SLC35F1: variants seen among roughly 807,000 people sequenced by gnomAD.
SLC35F1 encodes chromosome 6 open reading frame 169.
SLC35F1 carries 14 observed loss-of-function variants against 48.7 expected under a neutral mutation model. That is an observed-to-expected ratio of 0.29 (90% CI 0.19 to 0.45). The LOEUF is 0.45. SLC35F1 is among the 20% of genes least tolerant of loss of function. The pLI, the probability that SLC35F1 is intolerant of heterozygous loss-of-function variation, is 1.00. For synonymous variants in SLC35F1, 190 were observed against 202.2 expected, an observed-to-expected ratio of 0.94 and a Z score of 0.51; for missense variants, 404 against 500.0, an observed-to-expected ratio of 0.81 and a Z score of 1.83.
chr6:118,007,012 AATTT>A (rs1777182414), intron 1 of SLC35F1, among the ~76,000 whole-genome samples: 1 of 146,866 alleles, frequency 6.8e-6, no homozygotes, highest in South Asian at 2.2e-4. Flanking sequence ...AGTGTTTATT[AATTT>A]GACAACACAT....
At chr6:117,932,835 T>A (rs1776119316) in intron 1 of SLC35F1, among the ~76,000 whole-genome samples, 2 of 152,142 alleles carry the variant, frequency 1.3e-5, no homozygotes, top group African/African-American at 4.8e-5. Flanking sequence ...GCACACATAT[T>A]TGAGTGGGAT....
chr6:118,080,775 T>C (rs763488116), intron 1 of SLC35F1, among the ~76,000 whole-genome samples: 1 of 152,170 alleles, frequency 6.6e-6, no homozygotes, highest in African/African-American at 2.4e-5. Context: ...ATCATCTCCT[T>C]GCAGGGAAAC....
chr6:118,064,331 A>G (rs1485856549), intron 1 of SLC35F1, among the ~76,000 whole-genome samples: 1 of 152,186 alleles, frequency 6.6e-6, no homozygotes, highest in Non-Finnish European at 1.5e-5. Context: ...TGATAGTCTT[A>G]GTTCTTTTGC....
chr6:117,978,327 T>C (rs1582596806), intron 1 of SLC35F1, among the ~76,000 whole-genome samples: 1 of 150,916 alleles, frequency 6.6e-6, no homozygotes, highest in South Asian at 2.1e-4. Context: ...AGAAAATAAA[T>C]CTTACCAGAT....
intron 4 of SLC35F1, among the ~76,000 whole-genome samples, chr6:118,273,823 C>T (rs893659841): frequency 6.6e-6 from 1 of 152,180 alleles, no homozygotes; most frequent in Non-Finnish European, 1.5e-5. Flanking sequence ...TCACAAAATC[C>T]CATTCTCAGC....
chr6:118,068,524 T>C (rs373496111), intron 1 of SLC35F1, among the ~76,000 whole-genome samples: 1 of 152,338 alleles, frequency 6.6e-6, no homozygotes, highest in East Asian at 1.9e-4. Context: ...TTTAATCCTT[T>C]TGTAAAACTT....
intron 2 of SLC35F1, among the ~76,000 whole-genome samples, chr6:118,160,568 A>G (rs898816884): frequency 1.3e-5 from 2 of 152,224 alleles, no homozygotes; most frequent in Non-Finnish European, 2.9e-5. Context: ...TTTACTCTTC[A>G]TGAGAAATAC....
chr6:118,237,770 C>T (rs1156987265), intron 3 of SLC35F1, among the ~76,000 whole-genome samples: 3 of 152,076 alleles, frequency 2.0e-5, no homozygotes, highest in Non-Finnish European at 2.9e-5. Context: ...ATGGAAAAAC[C>T]TTTTAGATAC....
intron 1 of SLC35F1, among the ~76,000 whole-genome samples, chr6:117,979,323 AC>A (rs1338814369): frequency 1.3e-5 from 2 of 152,158 alleles, no homozygotes; most frequent in African/African-American, 2.4e-5. Context: ...ACCCTCCGTT[AC>A]CCCATTGGAA....
intron 1 of SLC35F1, among the ~76,000 whole-genome samples, chr6:117,940,640 CCTTT>C (rs1046789577): frequency 1.3e-5 from 2 of 151,614 alleles, no homozygotes; most frequent in Non-Finnish European, 2.9e-5. Context: ...TTTTTTTTCT[CCTTT>C]CTTTTTTTTT....
At position 117,936,549 on chromosome 6, in the gene SLC35F1, G is replaced by T. The variant is rs944766699; in HGVS notation, c.173+28650G>T. ...TTTCCTCATCAAAGACTGAATTCTT[G>T]TCAGTCTCGAAATCCATAAAATTTC... On this transcript the variant is annotated intron_variant, in intron 1 of 7. Transcript: ENST00000360388. 2.0e-5 allele frequency among the ~76,000 whole-genome samples: 3 copies of T among 152,238 alleles called. No individual in the cohort carries two copies. The East Asian group carries it at 5.8e-4, about 29-fold the overall frequency.
chr6:118,155,285 G>A (rs1382832031), intron 2 of SLC35F1, among the ~76,000 whole-genome samples: 1 of 152,206 alleles, frequency 6.6e-6, no homozygotes, highest in Admixed American at 6.5e-5. Flanking sequence ...CCAGTGTGCT[G>A]TGGTTTGAAT....
At chr6:118,004,481 C>T (rs1777148046) in intron 1 of SLC35F1, among the ~76,000 whole-genome samples, 1 of 152,126 alleles carries the variant, frequency 6.6e-6, no homozygotes, top group Admixed American at 6.6e-5. Context: ...AGTTCTAATC[C>T]TACTAGATTC....
At chr6:118,280,821 G>T (rs1300389868) in intron 6 of SLC35F1, among the ~76,000 whole-genome samples, 1 of 151,592 alleles carries the variant, frequency 6.6e-6, no homozygotes, top group Non-Finnish European at 1.5e-5. Context: ...CAGCGAGTCG[G>T]GATCACGCAA....
intron 2 of SLC35F1, among the ~76,000 whole-genome samples, chr6:118,181,786 A>C (rs1774581627): frequency 6.6e-6 from 1 of 152,158 alleles, no homozygotes; most frequent in Non-Finnish European, 1.5e-5. Context: ...AAAGAGAGCT[A>C]CTTTAGATAT....
intron 2 of SLC35F1, among the ~76,000 whole-genome samples, chr6:118,181,112 T>A (rs1462869971): frequency 6.6e-6 from 1 of 152,064 alleles, no homozygotes; most frequent in African/African-American, 2.4e-5. Flanking sequence ...TAAATAAAAG[T>A]AGAGTTTCCT....
At chr6:117,997,569 G>T (rs538625307) in intron 1 of SLC35F1, among the ~76,000 whole-genome samples, 2 of 152,318 alleles carry the variant, frequency 1.3e-5, no homozygotes, top group Admixed American at 6.5e-5. Flanking sequence ...GACTAACAGT[G>T]GATCTCTCAG....
intron 1 of SLC35F1, among the ~76,000 whole-genome samples, chr6:117,926,040 CAATA>C (rs1334111051): frequency 6.6e-6 from 1 of 152,040 alleles, no homozygotes; most frequent in Non-Finnish European, 1.5e-5. Flanking sequence ...TGGGAGCACT[CAATA>C]AAAGGAGTTG....
intron 1 of SLC35F1, among the ~76,000 whole-genome samples, chr6:117,931,913 T>C (rs185262997): frequency 1.5e-3 from 233 of 152,340 alleles, no homozygotes; most frequent in Admixed American, 3.1e-3. Flanking sequence ...GCCTAATACA[T>C]TGCTGTGGTT....
Sources: gnomAD v4.1 joint callset for allele counts (sites outside exome capture counted in the v4.1 genomes callset) on GRCh38, gnomAD v4.1.1 for gene constraint, MANE v1.5 for transcripts, NCBI Gene and HGNC (gene_info 2026-07-23, HGNC 2026-07-21) for gene names.